Variants in EFHC1 observed in about 807,000 individuals in gnomAD.
EFHC1 encodes the protein EF-hand domain-containing protein 1.
A neutral mutation model predicts 69.9 loss-of-function variants in EFHC1; 53 were observed. The observed-to-expected ratio is 0.76, with a 90% confidence interval of 0.61 to 0.95. The LOEUF (loss-of-function observed/expected upper bound fraction) is 0.95. Among genes scored for constraint, EFHC1 ranks in the 40% least tolerant of loss-of-function variants. The pLI is 0.00. For synonymous variants in EFHC1, 256 were observed against 278.4 expected, an observed-to-expected ratio of 0.92 and a Z score of 0.80; for missense variants, 739 against 798.7, an observed-to-expected ratio of 0.93 and a Z score of 0.90.
At position 52,494,003 on chromosome 6, in the gene EFHC1, T is replaced by G; in HGVS notation, c.*1662T>G. 2.2e-6 allele frequency: 1 copy of G among 454,122 alleles called. No homozygotes were observed. Among genetic ancestry groups the G allele is most frequent in the Non-Finnish European group, 4.4e-6 (1 of 226,792 alleles). The allele number at this position is 454,122 out of a possible 1,614,324, so 28.1% of individuals were successfully genotyped here. ...CTGTGAATGTATTATGTTGATTCCT[T>G]TTCTGTTCCAGGTTATTATCTTGGG... On this transcript the variant is annotated 3_prime_UTR_variant, in exon 11 of 11. Transcript: ENST00000371068.
At chr6:52,435,713 CTGCTGGG>C (rs1383024545) in intron 2 of EFHC1, among the ~76,000 whole-genome samples, 6 of 152,224 alleles carry the variant, frequency 3.9e-5, no homozygotes, top group Admixed American at 3.9e-4. Context: ...CTGCATACTG[CTGCTGGG>C]TTTCCTTCCT....
intron 5 of EFHC1, among the ~76,000 whole-genome samples, chr6:52,457,907 C>G (rs931885074): frequency 6.6e-6 from 1 of 152,106 alleles, no homozygotes; most frequent in Non-Finnish European, 1.5e-5. Flanking sequence ...TAATATTAAT[C>G]GAACATCCAT....
intron 8 of EFHC1, 146 bp downstream of exon 8, chr6:52,479,396 G>A: frequency 1.9e-6 from 2 of 1,049,758 alleles, no homozygotes; most frequent in South Asian, 1.4e-5. Flanking sequence ...GGTATAATGT[G>A]TTAATCGCCT....
chr6:52,463,575 A>G (rs1189185410), intron 5 of EFHC1, among the ~76,000 whole-genome samples: 2 of 152,244 alleles, frequency 1.3e-5, no homozygotes, highest in Admixed American at 6.5e-5. Context: ...AGTCACCATG[A>G]GAAAGAAAAA....
At chr6:52,492,118 T>C (rs967121991) in intron 10 of EFHC1, 152 bp from the exon 11 acceptor site, 17 of 711,334 alleles carry the variant, frequency 2.4e-5, no homozygotes, top group Non-Finnish European at 4.0e-5. Flanking sequence ...ACCTGCCAGG[T>C]TCACAGGATC....
At chr6:52,420,918 C>A in intron 1 of EFHC1, 1 of 796,086 alleles carries the variant, frequency 1.3e-6, no homozygotes, top group Non-Finnish European at 1.6e-6. Context: ...AAACCCCCCG[C>A]CACTATGCAC....
rs753392817 is a variant in EFHC1, at chr6:52,494,552, C to T, written c.*2211C>T. ...GGGGCCAGGTCTGAGTGACATGTGCCGAAAGGCTGACTCTTTCTCCCAGAG... is the reference window on the plus strand; with the variant it reads ...GGGGCCAGGTCTGAGTGACATGTGCTGAAAGGCTGACTCTTTCTCCCAGAG... On this transcript the variant is annotated 3_prime_UTR_variant, in exon 11 of 11. Coordinates refer to ENST00000371068, the MANE Select transcript of EFHC1 (RefSeq NM_018100.4). The T allele has an allele frequency of 1.1e-4, 52 of 453,962 alleles. No individual in the cohort carries two copies. Among genetic ancestry groups the T allele is most frequent in the Middle Eastern group, 6.8e-4 (1 of 1,468 alleles). The allele number at this position is 453,962 out of a possible 1,614,324, so 28.1% of individuals were successfully genotyped here. A position where few individuals can be genotyped will look rare whatever the true frequency, so the allele number is the denominator to read the frequency against.
chr6:52,422,329 A>G (rs1198686286), intron 1 of EFHC1, among the ~76,000 whole-genome samples: 2 of 152,222 alleles, frequency 1.3e-5, no homozygotes, highest in African/African-American at 4.8e-5. Flanking sequence ...TTGAAGTTCC[A>G]TAAATTACCC....
chr6:52,437,681 G>C (rs2113978505), intron 2 of EFHC1: 1 of 153,026 alleles, frequency 6.5e-6, no homozygotes, highest in East Asian at 1.9e-4. Context: ...TTACCTTGGT[G>C]TGTACATGTG....
chr6:52,473,493 A>T (rs1027474661), intron 7 of EFHC1, among the ~76,000 whole-genome samples: 1 of 152,230 alleles, frequency 6.6e-6, no homozygotes, highest in South Asian at 2.1e-4. Context: ...TTAAAAATGG[A>T]TAAATGACCG....
At chr6:52,429,399 T>A (rs1764370082) in intron 2 of EFHC1, among the ~76,000 whole-genome samples, 1 of 152,166 alleles carries the variant, frequency 6.6e-6, no homozygotes, top group African/African-American at 2.4e-5. Context: ...CCAGTTTTAT[T>A]CTCCTACTTG....
At chr6:52,469,066 T>A in intron 6 of EFHC1, 1 of 458,822 alleles carries the variant, frequency 2.2e-6, no homozygotes, top group Non-Finnish European at 4.0e-6. Flanking sequence ...TAGTAAGGGG[T>A]CAGTGGACAT....
At chr6:52,464,014 C>T (rs1765235975) in intron 5 of EFHC1, among the ~76,000 whole-genome samples, 1 of 152,194 alleles carries the variant, frequency 6.6e-6, no homozygotes, top group Non-Finnish European at 1.5e-5. Flanking sequence ...GTTAGGAGAA[C>T]ATCAGCCTAC....
chr6:52,428,699 C>A (rs1357955522), intron 2 of EFHC1, among the ~76,000 whole-genome samples: 2 of 152,084 alleles, frequency 1.3e-5, no homozygotes, highest in Admixed American at 1.3e-4. Context: ...TGGGTAGATA[C>A]CCAGTAGTGG....
Position 52,424,107 on chromosome 6 carries a change from C to T in EFHC1, c.225C>T (p.Gly75=), listed in dbSNP as rs556879197. ...GTAAGGCACCAGTCTTAACTTATGG[C>T]CAACCTAAACAAGCCCCACCTGCGG... is the stretch of plus-strand genomic sequence containing the variant. ...LASKAPVLTY[G]QPKQAPPADF... is the part of the protein sequence containing the mutation. The change falls in exon 2 of 11, where the codon GGC becomes GGT. Residue 75 remains glycine (G), a synonymous_variant. Coordinates refer to ENST00000371068, the MANE Select transcript of EFHC1 (RefSeq NM_018100.4). 1 of 1,614,130 alleles carries T rather than the reference C, an allele frequency of 6.2e-7. No homozygotes were observed. Among genetic ancestry groups the T allele is most frequent in the Non-Finnish European group, 8.5e-7 (1 of 1,180,024 alleles).
intron 3 of EFHC1, among the ~76,000 whole-genome samples, chr6:52,447,865 C>G (rs1764822063): frequency 6.6e-6 from 1 of 152,202 alleles, no homozygotes; most frequent in Admixed American, 6.5e-5. Flanking sequence ...TGGGTATCAC[C>G]AGTGGAGGCT....
intron 3 of EFHC1, among the ~76,000 whole-genome samples, chr6:52,450,045 C>T (rs917255642): frequency 6.6e-6 from 1 of 152,162 alleles, no homozygotes; most frequent in Non-Finnish European, 1.5e-5. Context: ...TGATTTCTGC[C>T]TTAATTTCAT....
intron 7 of EFHC1, among the ~76,000 whole-genome samples, chr6:52,474,763 T>C (rs1354392212): frequency 1.3e-5 from 2 of 152,210 alleles, no homozygotes; most frequent in East Asian, 1.9e-4. Context: ...ATACATATTA[T>C]GTAATTCATT....
At chr6:52,490,107 C>T in intron 9 of EFHC1, 33 bp from the exon 10 acceptor site, 1 of 1,584,268 alleles carries the variant, frequency 6.3e-7, no homozygotes, top group Non-Finnish European at 8.7e-7. Flanking sequence ...AGAATAAATA[C>T]CATGTGCAGT....
Sources: allele counts gnomAD v4.1 joint callset (sites outside exome capture counted in the v4.1 genomes callset), GRCh38; gene constraint gnomAD v4.1.1; transcripts MANE v1.5; gene names NCBI Gene and HGNC (gene_info 2026-07-23, HGNC 2026-07-21).